Variants in SYT9 observed in about 807,000 individuals in gnomAD.
SYT9 encodes the protein synaptotagmin-9.
Under a neutral mutation model 48.4 loss-of-function variants are expected in SYT9, and 22 were observed. The observed-to-expected ratio is 0.45, with a 90% CI of 0.32 to 0.65. The LOEUF is 0.65. SYT9 is among the 30% of genes least tolerant of loss of function. The pLI is 0.03. For synonymous variants in SYT9, 265 were observed against 245.0 expected (o/e 1.08, Z -0.76); for missense variants, 577 against 622.0 (o/e 0.93, Z 0.77).
chr11:7,259,496 T>A (rs983596662), intron 1 of SYT9, among the ~76,000 whole-genome samples: 5 of 152,174 alleles, frequency 3.3e-5, no homozygotes, highest in African/African-American at 1.2e-4. Context: ...TTCTGGTAGA[T>A]CTATGTTAGT....
At chr11:7,422,987 AT>A (rs1847382866) in intron 6 of SYT9, among the ~76,000 whole-genome samples, 1 of 152,264 alleles carries the variant, frequency 6.6e-6, no homozygotes, top group South Asian at 2.1e-4. Context: ...AGTAAATGCC[AT>A]TAGGGTTAAA....
intron 6 of SYT9, among the ~76,000 whole-genome samples, chr11:7,444,831 G>C (rs1252651058): frequency 6.6e-6 from 1 of 152,164 alleles, no homozygotes; most frequent in Non-Finnish European, 1.5e-5. Flanking sequence ...TTAGCACTGG[G>C]ACTTAGAGGT....
chr11:7,286,767 TCTTTG>T lies in SYT9; in HGVS notation c.146-16270_146-16266del, dbSNP rs531485636. On this transcript the variant is annotated intron_variant, in intron 1 of 6. Transcript: ENST00000318881. ...GGGCAGGGGCAAAATGCTGCCAGTC[TCTTTG>T]CATAGCAAGAGTGATCTTTACTCCA... is the stretch of plus-strand genomic sequence containing the variant. Among the ~76,000 whole-genome samples the T allele has an allele frequency of 2.4e-3, 365 of 152,356 alleles. 1 individual carries two copies. The highest frequency in any genetic ancestry group is 8.4e-3 in the African/African-American group (348 of 41,592).
intron 3 of SYT9, among the ~76,000 whole-genome samples, chr11:7,372,616 T>C (rs1440766162): frequency 4.4e-4 from 67 of 152,200 alleles, no homozygotes. Flanking sequence ...CACTCCTTTT[T>C]TCCCCATTTT....
In SYT9 at chr11:7,468,340, A is replaced by G; in HGVS notation, c.*1540A>G. ...CTCTACTTTGATGGCAGATCTAAGAAGGCTATAGGCCTTTGTTTGTAGGAA... is the reference window on the plus strand; with the variant it reads ...CTCTACTTTGATGGCAGATCTAAGAGGGCTATAGGCCTTTGTTTGTAGGAA... On this transcript the variant is annotated 3_prime_UTR_variant, in exon 7 of 7. Transcript: ENST00000318881. 2.5e-6 allele frequency: 1 copy of G among 398,660 alleles called. No homozygotes were observed. Among genetic ancestry groups the G allele is most frequent in the Non-Finnish European group, 4.4e-6 (1 of 226,064 alleles). The allele number at this position is 398,660 out of a possible 1,614,324, so 24.7% of individuals were successfully genotyped here. A position where few individuals can be genotyped will look rare whatever the true frequency, so the allele number is the denominator to read the frequency against.
At chr11:7,243,774 T>C (rs1033813846) in intron 1 of SYT9, among the ~76,000 whole-genome samples, 1 of 152,296 alleles carries the variant, frequency 6.6e-6, no homozygotes, top group East Asian at 1.9e-4. Flanking sequence ...GGCATCTTTT[T>C]GGCTAGTTGG....
intron 2 of SYT9, among the ~76,000 whole-genome samples, chr11:7,305,292 A>G (rs1849011377): frequency 1.3e-5 from 2 of 152,216 alleles, no homozygotes; most frequent in African/African-American, 2.4e-5. Flanking sequence ...CTGAACTACT[A>G]TAAGAAAACT....
chr11:7,353,338 G>C (rs1355895111), intron 3 of SYT9, among the ~76,000 whole-genome samples: 1 of 152,032 alleles, frequency 6.6e-6, no homozygotes, highest in Non-Finnish European at 1.5e-5. Context: ...TCAGTGCAAG[G>C]CTCCACAACA....
intron 3 of SYT9, among the ~76,000 whole-genome samples, chr11:7,392,163 A>AATT (rs1846635635): frequency 6.6e-6 from 1 of 152,148 alleles, no homozygotes; most frequent in East Asian, 1.9e-4. Flanking sequence ...TTGAGGACTT[A>AATT]GTCATACATT....
intron 3 of SYT9, among the ~76,000 whole-genome samples, chr11:7,404,494 G>A (rs1846963541): frequency 6.6e-6 from 1 of 151,810 alleles, no homozygotes; most frequent in South Asian, 2.1e-4. Context: ...AATTCTTTCA[G>A]GTTTAGAGTA....
At chr11:7,282,973 TGAGA>T (rs893082681) in intron 1 of SYT9, among the ~76,000 whole-genome samples, 12 of 138,306 alleles carry the variant, frequency 8.7e-5, no homozygotes, top group South Asian at 2.3e-4. Context: ...AAACAGAGAT[TGAGA>T]GAGAGAGAGA....
chr11:7,398,709 C>T (rs1002834835), intron 3 of SYT9, among the ~76,000 whole-genome samples: 8 of 152,146 alleles, frequency 5.3e-5, no homozygotes, highest in Admixed American at 4.6e-4. Context: ...TTAAGCATCC[C>T]TATTCCAAAA....
chr11:7,244,033 C>T (rs1847767517), intron 1 of SYT9, among the ~76,000 whole-genome samples: 1 of 151,994 alleles, frequency 6.6e-6, no homozygotes, highest in African/African-American at 2.4e-5. Flanking sequence ...GACCTCTGCT[C>T]TCCCTTCTGG....
chr11:7,390,173 C>T (rs1248299983), intron 3 of SYT9, among the ~76,000 whole-genome samples: 1 of 152,086 alleles, frequency 6.6e-6, no homozygotes, highest in Non-Finnish European at 1.5e-5. Context: ...TGTGATGTTC[C>T]CCACCCTGTA....
chr11:7,301,935 C>T (rs1848927716), intron 1 of SYT9, among the ~76,000 whole-genome samples: 1 of 152,196 alleles, frequency 6.6e-6, no homozygotes, highest in South Asian at 2.1e-4. Flanking sequence ...ACCTTAGGGG[C>T]ATAGTCACTG....
intron 1 of SYT9, among the ~76,000 whole-genome samples, chr11:7,297,302 T>C (rs1209714173): frequency 1.3e-5 from 2 of 152,180 alleles, no homozygotes; most frequent in Non-Finnish European, 2.9e-5. Context: ...GAGAGGTTAA[T>C]ATAATAAACT....
chr11:7,340,427 A>C, intron 3 of SYT9, among the ~76,000 whole-genome samples: 1 of 152,214 alleles, frequency 6.6e-6, no homozygotes, highest in East Asian at 1.9e-4. Context: ...GGAGGATATA[A>C]GACACTCTGA....
intron 3 of SYT9, among the ~76,000 whole-genome samples, chr11:7,387,277 G>A (rs1384200118): frequency 6.6e-6 from 1 of 151,908 alleles, no homozygotes. Context: ...CCTGCCCATT[G>A]TGCACATGTA....
In SYT9 at chr11:7,467,612, A is replaced by G. The variant is rs1848357847; in HGVS notation, c.*812A>G. The G allele has an allele frequency of 6.6e-6, 1 of 152,246 alleles. No individual in the cohort carries two copies. Among genetic ancestry groups the G allele is most frequent in the Non-Finnish European group, 1.5e-5 (1 of 68,058 alleles). 9.4% of individuals were successfully genotyped at this position (152,246 alleles called of 1,614,324 possible). On this transcript the variant is annotated 3_prime_UTR_variant, in exon 7 of 7. Coordinates refer to ENST00000318881, the MANE Select transcript of SYT9 (RefSeq NM_175733.4). ...GGGCATACATCTCAGTGGCATGAGCATTGTGGAATATCCTTTCCTAGGCAC... is the reference window on the plus strand; with the variant it reads ...GGGCATACATCTCAGTGGCATGAGCGTTGTGGAATATCCTTTCCTAGGCAC...
Sources: allele counts gnomAD v4.1 joint callset (sites outside exome capture counted in the v4.1 genomes callset), GRCh38; gene constraint gnomAD v4.1.1; transcripts MANE v1.5; gene names NCBI Gene and HGNC (gene_info 2026-07-23, HGNC 2026-07-21).